The following MAP2 variants were observed in gnomAD, a reference collection of about 807,000 sequenced individuals.
The protein encoded by MAP2 is microtubule associated protein 2, also known as microtubule-associated protein 2.
A neutral mutation model predicts 137.6 loss-of-function variants in MAP2; 14 were observed. The observed-to-expected ratio is 0.10, with a 90% CI of 0.07 to 0.16. The LOEUF is 0.16. MAP2 is among the 10% of genes least tolerant of loss of function. The probability of loss-of-function intolerance (pLI) is 1.00; values close to 1 mark genes in which losing one functional copy is unlikely to be tolerated. For missense variants in MAP2, 2,088 were observed against 2,191.5 expected (o/e 0.95, Z 0.94); for synonymous variants, 786 against 782.3 (o/e 1.00, Z -0.08).
Position 209,692,982 on chromosome 2 carries a change from C to T in MAP2, c.812C>T (p.Thr271Met), listed in dbSNP as rs547929820. The T allele has an allele frequency of 8.6e-5, 139 of 1,612,024 alleles. No homozygotes were observed. The highest frequency in any genetic ancestry group is 2.3e-4 in the African/African-American group (17 of 74,822). ...EQKDWFIEMP[T>M]EAKKDEWGLV... ...AAGGACTGGTTCATCGAAATGCCAA[C>T]GGAAGCAAAAAAGGATGAGTGGGGT... The change falls in exon 8 of 16, where the codon ACG (threonine) becomes ATG (methionine). Residue 271 changes from threonine (T) to methionine (M), a missense_variant. Thr to Met is a moderately conservative substitution (Grantham distance 81). Around this residue, in one of 6 missense-constraint regions of MAP2, gnomAD observed 859 missense variants for 794.5 expected, o/e 1.08. Transcript: ENST00000682079.
Position 209,692,839 on chromosome 2 carries a change from A to G in MAP2, c.669A>G (p.Leu223=), listed in dbSNP as rs776574369. 1 of 1,612,990 alleles carries G rather than the reference A, an allele frequency of 6.2e-7. No individual in the cohort carries two copies. The highest frequency in any genetic ancestry group is 1.3e-5 in the African/African-American group (1 of 74,770). Residue 223 remains leucine (L), a synonymous_variant, in exon 8 of 16, where the codon CTA becomes CTG. Coordinates refer to ENST00000682079, the MANE Select transcript of MAP2 (RefSeq NM_001375505.1). ...MQGTEEEKAP[L]ALFGHTLVAS... is the part of the protein sequence containing the mutation. Reference sequence around the variant, plus strand: ...GCACGGAAGAAGAAAAAGCACCCCTAGCTTTGTTTGGGCACACTCTTGTTG... The same window carrying G: ...GCACGGAAGAAGAAAAAGCACCCCTGGCTTTGTTTGGGCACACTCTTGTTG...
intron 2 of MAP2, among the ~76,000 whole-genome samples, chr2:209,575,268 TCCCAGCACTTTGGGAGGC>T: frequency 6.6e-6 from 1 of 152,106 alleles, no homozygotes; most frequent in South Asian, 2.1e-4. Context: ...ATGCATGTAA[TCCCAGCACTTTGGGAGGC>T]CAAGGCGGGC....
At chr2:209,730,095 A>T in intron 15 of MAP2, 87 bp from the exon 16 acceptor site, 1 of 1,225,250 alleles carries the variant, frequency 8.2e-7, no homozygotes, top group Admixed American at 1.9e-5. Flanking sequence ...AATAGAAGTC[A>T]TTAATGTCAG....
chr2:209,660,416 T>C (rs557200802), intron 5 of MAP2, among the ~76,000 whole-genome samples: 3,962 of 119,850 alleles, frequency 0.033, 219 homozygotes, highest in African/African-American at 0.12. Context: ...TTTTTTGAGA[T>C]GGAGTCTCGC....
At chr2:209,489,158 T>C (rs2058765961) in intron 1 of MAP2, among the ~76,000 whole-genome samples, 1 of 151,846 alleles carries the variant, frequency 6.6e-6, no homozygotes, top group Non-Finnish European at 1.5e-5. Flanking sequence ...GGGTCTGGAG[T>C]AGACCTCCAG....
chr2:209,604,611 C>T (rs1012856749), intron 3 of MAP2, among the ~76,000 whole-genome samples: 3 of 152,048 alleles, frequency 2.0e-5, no homozygotes, highest in Non-Finnish European at 2.9e-5. Flanking sequence ...GTATTTTAAC[C>T]GAGTAACCCT....
At chr2:209,526,061 A>T (rs1440667806) in intron 2 of MAP2, among the ~76,000 whole-genome samples, 1 of 152,010 alleles carries the variant, frequency 6.6e-6, no homozygotes, top group Non-Finnish European at 1.5e-5. Flanking sequence ...CATGATTTTG[A>T]TATTTTCAAG....
chr2:209,448,064 C>T (rs16842904), intron 1 of MAP2, among the ~76,000 whole-genome samples: 20,417 of 152,002 alleles, frequency 0.13, 3,359 homozygotes, highest in African/African-American at 0.39. Context: ...GAAAGCACGG[C>T]CTTAATGTGC....
intron 2 of MAP2, among the ~76,000 whole-genome samples, chr2:209,529,184 T>A (rs1318425480): frequency 1.3e-5 from 2 of 152,130 alleles, no homozygotes; most frequent in South Asian, 4.1e-4. Flanking sequence ...AGTTATCAAA[T>A]GTGGTGGAGA....
At position 209,694,497 on chromosome 2, in the gene MAP2, G is replaced by T. The variant is rs778783369; in HGVS notation, c.2327G>T (p.Gly776Val). 6.2e-7 allele frequency: 1 copy of T among 1,614,084 alleles called. No homozygotes were observed. Among genetic ancestry groups the T allele is most frequent in the East Asian group, 2.2e-5 (1 of 44,872 alleles). ...CAGATAGAGAAAGTAAAAGCTACTG[G>T]AGAAGAAAGTACTCAAGCGGAGATA... ...EEQIEKVKAT[G>V]EESTQAEISC... The change falls in exon 8 of 16, where the codon GGA becomes GTA. Residue 776 changes from glycine (G) to valine (V), a missense_variant. This residue lies in a region of MAP2 where 500 missense variants were observed against 482.9 expected (regional missense o/e 1.04). Transcript: ENST00000682079.
chr2:209,549,739 G>A (rs1200471701), intron 2 of MAP2, among the ~76,000 whole-genome samples: 2 of 152,258 alleles, frequency 1.3e-5, no homozygotes, highest in East Asian at 1.9e-4. Flanking sequence ...GCTATAACAG[G>A]ACTAGACTGA....
chr2:209,434,681 G>A (rs943962066), intron 1 of MAP2, among the ~76,000 whole-genome samples: 1 of 150,670 alleles, frequency 6.6e-6, no homozygotes, highest in African/African-American at 2.4e-5. Context: ...AATTAGCCAG[G>A]TGTGATAGTG....
intron 1 of MAP2, among the ~76,000 whole-genome samples, chr2:209,492,776 A>G (rs2059280926): frequency 6.6e-6 from 1 of 152,202 alleles, no homozygotes; most frequent in South Asian, 2.1e-4. Flanking sequence ...CCACTGCTCA[A>G]GGAAATAGGA....
chr2:209,469,100 C>A (rs34173247), intron 1 of MAP2, among the ~76,000 whole-genome samples: 1 of 152,128 alleles, frequency 6.6e-6, no homozygotes, highest in African/African-American at 2.4e-5. Context: ...ATTTTAAATG[C>A]GTGAATCCTC....
At position 209,693,907 on chromosome 2, in the gene MAP2, A is replaced by G. The variant is rs1250715439; in HGVS notation, c.1737A>G (p.Lys579=). 1 of 1,611,146 alleles carries G rather than the reference A, an allele frequency of 6.2e-7. No homozygotes were observed. The highest frequency in any genetic ancestry group is 1.7e-5 in the Admixed American group (1 of 59,400). The change falls in exon 8 of 16, where the codon AAA becomes AAG. Residue 579 remains lysine (K), a synonymous_variant. Coordinates refer to ENST00000682079, the MANE Select transcript of MAP2 (RefSeq NM_001375505.1). ...MSKYFETSAL[K]EEATKSIEPG... Reference sequence around the variant, plus strand: ...AGTACTTTGAAACATCTGCCTTGAAAGAAGAAGCAACAAAAAGCATTGAGC... The same window carrying G: ...AGTACTTTGAAACATCTGCCTTGAAGGAAGAAGCAACAAAAAGCATTGAGC...
chr2:209,491,893 T>C (rs1479843384), intron 1 of MAP2, among the ~76,000 whole-genome samples: 1 of 152,208 alleles, frequency 6.6e-6, no homozygotes, highest in Non-Finnish European at 1.5e-5. Context: ...CTATTCCTTC[T>C]GAAACTATTC....
At chr2:209,642,480 G>A (rs2663653) in intron 4 of MAP2, among the ~76,000 whole-genome samples, 34,128 of 151,306 alleles carry the variant, frequency 0.23, 6,248 homozygotes, top group African/African-American at 0.49. Context: ...ATAACAAGTA[G>A]TAGGTAACAT....
chr2:209,451,770 C>T (rs954367466), intron 1 of MAP2, among the ~76,000 whole-genome samples: 4 of 152,178 alleles, frequency 2.6e-5, no homozygotes, highest in African/African-American at 9.7e-5. Flanking sequence ...ATAGCTCTGT[C>T]TGCAACATTG....
chr2:209,562,143 A>G (rs1007376877), intron 2 of MAP2, among the ~76,000 whole-genome samples: 2 of 152,184 alleles, frequency 1.3e-5, no homozygotes, highest in South Asian at 2.1e-4. Context: ...GAAAATAAAT[A>G]TAAAATAATT....
Sources: allele counts gnomAD v4.1 joint callset (sites outside exome capture counted in the v4.1 genomes callset), GRCh38; gene constraint gnomAD v4.1.1; regional missense constraint gnomAD v4.1.1; transcripts MANE v1.5; gene names NCBI Gene and HGNC (gene_info 2026-07-23, HGNC 2026-07-21).